Variants in LMNTD1 observed in about 807,000 individuals in gnomAD.
LMNTD1 encodes the protein lamin tail domain-containing protein 1.
LMNTD1 carries 35 observed loss-of-function variants against 50.9 expected under a neutral mutation model. That is an observed-to-expected ratio of 0.69 (90% CI 0.53 to 0.91). The LOEUF is 0.91. LMNTD1 is among the 40% of genes least tolerant of loss of function. The probability of loss-of-function intolerance (pLI) is 0.00; values close to 1 mark genes in which losing one functional copy is unlikely to be tolerated. For missense variants in LMNTD1, 470 were observed against 475.5 expected (o/e 0.99, Z 0.11); for synonymous variants, 153 against 161.9 (o/e 0.94, Z 0.42).
chr12:25,547,137 G>C (rs278991), intron 3 of LMNTD1: 452,445 of 665,826 alleles, frequency 0.68, 156,301 homozygotes, highest in Non-Finnish European at 0.71. Context: ...TCACTACTTT[G>C]ATTCAAATAC....
At chr12:25,579,271 AC>A (rs1416104580) in intron 1 of LMNTD1, among the ~76,000 whole-genome samples, 1 of 152,306 alleles carries the variant, frequency 6.6e-6, no homozygotes, top group East Asian at 1.9e-4. Context: ...ACATGTACAG[AC>A]TTTTTTCTTA....
chr12:25,634,951 A>G (rs533401839), intron 1 of LMNTD1, among the ~76,000 whole-genome samples: 2 of 152,290 alleles, frequency 1.3e-5, no homozygotes, highest in African/African-American at 4.8e-5. Flanking sequence ...TATAAAAAAA[A>G]TTCAGCAGGC....
intron 1 of LMNTD1, among the ~76,000 whole-genome samples, chr12:25,611,275 C>T (rs1384160330): frequency 1.3e-5 from 2 of 152,108 alleles, no homozygotes; most frequent in Non-Finnish European, 2.9e-5. Flanking sequence ...ATCATGAGGG[C>T]AAGGAGACCA....
chr12:25,628,213 G>A (rs1724938932), intron 1 of LMNTD1, among the ~76,000 whole-genome samples: 1 of 150,514 alleles, frequency 6.6e-6, no homozygotes, highest in South Asian at 2.1e-4. Context: ...TTGACTTCAG[G>A]TAGTTAGTTT....
intron 1 of LMNTD1, among the ~76,000 whole-genome samples, chr12:25,615,450 T>C (rs577344256): frequency 6.6e-6 from 1 of 150,956 alleles, no homozygotes; most frequent in Admixed American, 6.6e-5. Context: ...ATCCTTTTTT[T>C]AATTTTTTAA....
At chr12:25,571,176 A>T (rs993026202) in intron 1 of LMNTD1, among the ~76,000 whole-genome samples, 8 of 152,196 alleles carry the variant, frequency 5.3e-5, no homozygotes, top group Non-Finnish European at 1.0e-4. Flanking sequence ...TTAGGATAGG[A>T]GACAAATTAC....
At chr12:25,560,548 A>T (rs901409182) in intron 1 of LMNTD1, among the ~76,000 whole-genome samples, 1 of 152,126 alleles carries the variant, frequency 6.6e-6, no homozygotes, top group Non-Finnish European at 1.5e-5. Flanking sequence ...TTCCATATGA[A>T]CTTTAAAGTA....
intron 1 of LMNTD1, among the ~76,000 whole-genome samples, chr12:25,560,724 C>T (rs1944268567): frequency 6.6e-6 from 1 of 152,098 alleles, no homozygotes; most frequent in South Asian, 2.1e-4. Flanking sequence ...TTTCATTGAG[C>T]AGTGGTTTGT....
chr12:25,633,284 C>T (rs1219995847), intron 1 of LMNTD1, among the ~76,000 whole-genome samples: 1 of 151,796 alleles, frequency 6.6e-6, no homozygotes, highest in Non-Finnish European at 1.5e-5. Flanking sequence ...AGAAAGTCAA[C>T]AAAGAAACAA....
At chr12:25,478,642 C>T (rs562905739) in intron 9 of LMNTD1, among the ~76,000 whole-genome samples, 6 of 152,160 alleles carry the variant, frequency 3.9e-5, no homozygotes, top group East Asian at 1.9e-4. Context: ...AAAATTAGCC[C>T]GGTGTGTTCG....
intron 1 of LMNTD1, among the ~76,000 whole-genome samples, chr12:25,602,921 C>T (rs552874230): frequency 8.0e-4 from 121 of 152,094 alleles, no homozygotes; most frequent in Middle Eastern, 3.4e-3. Context: ...GTACAATGCA[C>T]GTTTCTATAA....
At chr12:25,564,394 G>T (rs1027281390) in intron 1 of LMNTD1, among the ~76,000 whole-genome samples, 1 of 152,192 alleles carries the variant, frequency 6.6e-6, no homozygotes, top group African/African-American at 2.4e-5. Context: ...AAGTAACTGG[G>T]ATTACAGGTG....
intron 1 of LMNTD1, among the ~76,000 whole-genome samples, chr12:25,604,400 A>G (rs1425126469): frequency 2.0e-5 from 3 of 152,128 alleles, no homozygotes; most frequent in African/African-American, 7.2e-5. Flanking sequence ...CACAACGTGC[A>G]GGTTTGTTAC....
intron 1 of LMNTD1, among the ~76,000 whole-genome samples, chr12:25,597,012 A>G (rs1354038388): frequency 1.3e-5 from 2 of 152,084 alleles, no homozygotes; most frequent in Non-Finnish European, 2.9e-5. Flanking sequence ...AGGTTATAAG[A>G]TAGTATTTGC....
intron 1 of LMNTD1, among the ~76,000 whole-genome samples, chr12:25,598,678 T>C (rs541574953): frequency 2.7e-5 from 4 of 146,270 alleles, no homozygotes; most frequent in Admixed American, 1.4e-4. Context: ...TTACAATTGA[T>C]ACTGCAGAAA....
chr12:25,543,855 T>C (rs1196487538), intron 4 of LMNTD1, among the ~76,000 whole-genome samples: 1 of 151,998 alleles, frequency 6.6e-6, no homozygotes, highest in African/African-American at 2.4e-5. Context: ...CATTGGTTGC[T>C]TGGAACTGTG....
upstream of LMNTD1, among the ~76,000 whole-genome samples, chr12:25,555,198 C>T (rs534214708): frequency 2.0e-5 from 3 of 151,968 alleles, no homozygotes; most frequent in East Asian, 1.9e-4. Flanking sequence ...GTTTAAATTC[C>T]GGAAAGACTC....
chr12:25,591,928 G>T (rs1409524303), intron 1 of LMNTD1, among the ~76,000 whole-genome samples: 13 of 151,648 alleles, frequency 8.6e-5, no homozygotes, highest in Non-Finnish European at 1.5e-4. Flanking sequence ...AATTCTTCCA[G>T]ATCTTGTCCA....
intron 4 of LMNTD1, among the ~76,000 whole-genome samples, chr12:25,532,180 G>A (rs1942273075): frequency 6.6e-6 from 1 of 151,740 alleles, no homozygotes; most frequent in Non-Finnish European, 1.5e-5. Context: ...GTTTGTTTTT[G>A]TTTAGTGCCT....
Sources: gnomAD v4.1 joint callset for allele counts (sites outside exome capture counted in the v4.1 genomes callset) on GRCh38, gnomAD v4.1.1 for gene constraint, MANE v1.5 for transcripts, NCBI Gene and HGNC (gene_info 2026-07-23, HGNC 2026-07-21) for gene names.